Variants in FKBP9 observed in about 807,000 individuals in gnomAD.
FKBP9 encodes the protein peptidyl-prolyl cis-trans isomerase FKBP9.
FKBP9 carries 27 observed loss-of-function variants against 55.6 expected under a neutral mutation model. The ratio of observed to expected loss-of-function variants is 0.49; its 90% CI spans 0.36 to 0.67. FKBP9 has a LOEUF of 0.67. FKBP9 is among the 30% of genes least tolerant of loss of function. The pLI, the probability that FKBP9 is intolerant of heterozygous loss-of-function variation, is 0.00. For synonymous variants in FKBP9, 267 were observed against 296.5 expected, an observed-to-expected ratio of 0.90 and a Z score of 1.02; for missense variants, 539 against 742.8, an observed-to-expected ratio of 0.73 and a Z score of 3.19.
At position 32,973,682 on chromosome 7, in the gene FKBP9, G is replaced by GTTTT. The variant is rs745717239; in HGVS notation, c.222-912_222-909dup. 4.8e-4 allele frequency among the ~76,000 whole-genome samples: 31 copies of GTTTT among 64,990 alleles called. 4 individuals are homozygous for GTTTT. Among genetic ancestry groups the GTTTT allele is most frequent in the East Asian group, 9.2e-4 (2 of 2,180 alleles). The allele number at this position is 64,990 out of a possible 152,430, so 42.6% of individuals were successfully genotyped here. A position where few individuals can be genotyped will look rare whatever the true frequency, so the allele number is the denominator to read the frequency against. ...AGAAAATGAAATGAAGTTTTTTGTT[G>GTTTT]TTTTTTTTTTTTTTTTTTTTTTTTT... On this transcript the variant is annotated intron_variant, in intron 1 of 9. Coordinates refer to ENST00000242209, the MANE Select transcript of FKBP9 (RefSeq NM_007270.5).
At chr7:32,975,069 G>T (rs923879845) in intron 2 of FKBP9, 113 bp from the exon 3 acceptor site, 19 of 831,678 alleles carry the variant, frequency 2.3e-5, no homozygotes, top group Non-Finnish European at 3.7e-5. Context: ...TTGTATAGCG[G>T]TGACTGCTTG....
intron 4 of FKBP9, among the ~76,000 whole-genome samples, chr7:32,978,534 T>C (rs1050690372): frequency 3.3e-5 from 5 of 151,962 alleles, no homozygotes; most frequent in Non-Finnish European, 5.9e-5. Flanking sequence ...GTTAAAAAAG[T>C]TTTTTTAGAG....
intron 5 of FKBP9, among the ~76,000 whole-genome samples, chr7:32,981,913 GAA>G (rs1321903664): frequency 6.9e-6 from 1 of 144,634 alleles, no homozygotes; most frequent in Non-Finnish European, 1.5e-5. Flanking sequence ...AAAAAAAAAA[GAA>G]AAGATATGTT....
At chr7:32,979,412 T>G in intron 4 of FKBP9, 1 of 895,140 alleles carries the variant, frequency 1.1e-6, no homozygotes, top group Non-Finnish European at 1.8e-6. Flanking sequence ...TGACCACACC[T>G]TGCATTCCAG....
chr7:32,994,281 G>A (rs949467304), intron 6 of FKBP9, among the ~76,000 whole-genome samples: 2 of 152,192 alleles, frequency 1.3e-5, no homozygotes, highest in African/African-American at 2.4e-5. Context: ...GCAACAGGTA[G>A]TCTATTTCTT....
chr7:32,969,121 C>A (rs544967668), intron 1 of FKBP9, among the ~76,000 whole-genome samples: 80 of 152,066 alleles, frequency 5.3e-4, no homozygotes, highest in African/African-American at 1.9e-3. Flanking sequence ...TTTAGGAGTT[C>A]TTTATATATT....
At chr7:32,974,804 A>C in intron 2 of FKBP9, 42 bp downstream of exon 2, 1 of 1,554,240 alleles carries the variant, frequency 6.4e-7, no homozygotes, top group Non-Finnish European at 8.8e-7. Flanking sequence ...CAGCAGAAAC[A>C]ATGAGAACAC....
intron 1 of FKBP9, among the ~76,000 whole-genome samples, chr7:32,962,765 A>G (rs1289928569): frequency 6.6e-6 from 1 of 152,084 alleles, no homozygotes; most frequent in Non-Finnish European, 1.5e-5. Context: ...AGTGAATAAA[A>G]CAGAAATCTC....
chr7:32,991,447 C>T (rs1200565556), intron 6 of FKBP9, among the ~76,000 whole-genome samples: 2 of 152,150 alleles, frequency 1.3e-5, no homozygotes, highest in African/African-American at 2.4e-5. Context: ...CATAGGAGCT[C>T]GTGCTGATCC....
intron 1 of FKBP9, among the ~76,000 whole-genome samples, chr7:32,958,642 CAG>C (rs3082625): frequency 1.8e-4 from 27 of 152,016 alleles, no homozygotes; most frequent in African/African-American, 6.5e-4. Flanking sequence ...GCCTGGGAGA[CAG>C]AGAGAGATCC....
At chr7:32,964,035 T>A (rs766509935) in intron 1 of FKBP9, among the ~76,000 whole-genome samples, 3 of 152,188 alleles carry the variant, frequency 2.0e-5, no homozygotes, top group Non-Finnish European at 4.4e-5. Context: ...GTCAGTGGTG[T>A]CAGAACAACT....
intron 5 of FKBP9, among the ~76,000 whole-genome samples, chr7:32,985,296 C>T (rs1784554433): frequency 6.6e-6 from 1 of 151,842 alleles, no homozygotes; most frequent in Non-Finnish European, 1.5e-5. Flanking sequence ...CTGCCCTCAG[C>T]CTCCCGAGTA....
intron 8 of FKBP9, 68 bp from the exon 9 acceptor site, chr7:33,002,608 G>T: frequency 6.3e-7 from 1 of 1,582,482 alleles, no homozygotes; most frequent in Non-Finnish European, 8.6e-7. Context: ...GTTGGGGTGG[G>T]TGCTGGTTGT....
Position 32,957,775 on chromosome 7 carries a change from G to T in FKBP9, c.202G>T (p.Gly68Cys), listed in dbSNP as rs776475704. Residue 68 changes from glycine to cysteine, a missense_variant, in exon 1 of 10, where the codon GGC becomes TGC. By Grantham distance (159) the Gly-to-Cys change is radical. Transcript: ENST00000242209. ...RYHYVGTFPDGQKFDSSYDRD... is the reference protein window; with the variant it reads ...RYHYVGTFPDCQKFDSSYDRD... Reference sequence around the variant, plus strand: ...CCACTACGTGGGGACGTTCCCCGACGGCCAGAAGTTCGACTCCAGGTACCG... The same window carrying T: ...CCACTACGTGGGGACGTTCCCCGACTGCCAGAAGTTCGACTCCAGGTACCG... 1.4e-6 allele frequency: 2 copies of T among 1,458,094 alleles called. No homozygotes were observed. 90.3% of individuals were successfully genotyped at this position (1,458,094 alleles called of 1,614,324 possible).
At chr7:32,988,356 G>C in intron 5 of FKBP9, 151 bp from the exon 6 acceptor site, 1 of 714,180 alleles carries the variant, frequency 1.4e-6, no homozygotes, top group South Asian at 1.9e-5. Context: ...AGGGGAGCAT[G>C]TTTCCTGGCT....
chr7:32,981,930 A>G (rs1784485488), intron 5 of FKBP9, among the ~76,000 whole-genome samples: 2 of 150,738 alleles, frequency 1.3e-5, no homozygotes, highest in Non-Finnish European at 1.5e-5. Flanking sequence ...TATGTTGTAT[A>G]CCTGTTCCTG....
At chr7:32,975,955 T>C (rs1306084376) in intron 3 of FKBP9, among the ~76,000 whole-genome samples, 1 of 152,210 alleles carries the variant, frequency 6.6e-6, no homozygotes, top group Non-Finnish European at 1.5e-5. Flanking sequence ...CGTGTAAGTC[T>C]CTATTTCTAA....
At chr7:32,976,637 C>T (rs1784368794) in intron 4 of FKBP9, 138 bp downstream of exon 4, 2 of 1,242,280 alleles carry the variant, frequency 1.6e-6, no homozygotes, top group Non-Finnish European at 1.1e-6. Flanking sequence ...CCACTAGCTA[C>T]ATGTGGCTAT....
At chr7:32,958,930 G>C (rs1233909480) in intron 1 of FKBP9, among the ~76,000 whole-genome samples, 1 of 152,166 alleles carries the variant, frequency 6.6e-6, no homozygotes, top group Non-Finnish European at 1.5e-5. Context: ...CAGGCAGAGA[G>C]AGCTATTTGT....
Sources: gnomAD v4.1 joint callset for allele counts (sites outside exome capture counted in the v4.1 genomes callset) on GRCh38, gnomAD v4.1.1 for gene constraint, MANE v1.5 for transcripts, NCBI Gene and HGNC (gene_info 2026-07-23, HGNC 2026-07-21) for gene names.